Variants in ARL15 observed in about 807,000 individuals in gnomAD.
ARL15 encodes ARF like GTPase 15.
In ARL15, 19 loss-of-function variants were observed where a neutral mutation model predicts 25.2. That is an observed-to-expected ratio of 0.75 (90% CI 0.53 to 1.10). The LOEUF (loss-of-function observed/expected upper bound fraction) is 1.10. Ranked by LOEUF, ARL15 falls within the 50% of genes least tolerant of loss-of-function variation. ARL15 has a pLI of 0.00. For missense variants in ARL15, 220 were observed against 246.0 expected (o/e 0.89, Z 0.71); for synonymous variants, 94 against 86.8 (o/e 1.08, Z -0.46).
At chr5:54,142,380 A>G (rs946336256) in intron 3 of ARL15, among the ~76,000 whole-genome samples, 13 of 152,202 alleles carry the variant, frequency 8.5e-5, no homozygotes, top group Admixed American at 2.0e-4. Context: ...AATGACAAAA[A>G]TAAAGGATGC....
intron 4 of ARL15, among the ~76,000 whole-genome samples, chr5:53,935,667 C>T (rs763264891): frequency 7.4e-4 from 113 of 152,190 alleles, no homozygotes; most frequent in Admixed American, 7.9e-4. Context: ...TTATTCACAT[C>T]TGATTTGCAT....
chr5:54,127,285 A>G (rs918291906), intron 3 of ARL15, among the ~76,000 whole-genome samples: 5 of 152,172 alleles, frequency 3.3e-5, no homozygotes, highest in Non-Finnish European at 7.3e-5. Flanking sequence ...GCTATTCCCA[A>G]AATCTCCTTA....
intron 1 of ARL15, among the ~76,000 whole-genome samples, chr5:54,208,018 G>A (rs1755919909): frequency 6.6e-6 from 1 of 152,092 alleles, no homozygotes; most frequent in African/African-American, 2.4e-5. Flanking sequence ...AATATTGAGA[G>A]CCCAAGGCCC....
At chr5:54,163,205 T>C (rs1754459528) in intron 2 of ARL15, among the ~76,000 whole-genome samples, 1 of 152,070 alleles carries the variant, frequency 6.6e-6, no homozygotes, top group Admixed American at 6.6e-5. Context: ...AACTGATTGA[T>C]TTTTGAATGT....
At chr5:54,003,034 G>A (rs1748898031) in intron 4 of ARL15, among the ~76,000 whole-genome samples, 1 of 152,164 alleles carries the variant, frequency 6.6e-6, no homozygotes. Context: ...AAAAGCCCCT[G>A]CTTTAGTCTG....
Position 54,147,608 on chromosome 5 carries a change from A to G in ARL15, c.253+6972T>C, listed in dbSNP as rs1355139555. Reference sequence around the variant, plus strand: ...TAGTAAGGTCAAAAGCATTCTATGGACATGGTCTTCCTTGAGCCCTTCTTC... The same window carrying G: ...TAGTAAGGTCAAAAGCATTCTATGGGCATGGTCTTCCTTGAGCCCTTCTTC... On this transcript the variant is annotated intron_variant, in intron 3 of 4. Coordinates refer to ENST00000504924, the MANE Select transcript of ARL15 (RefSeq NM_019087.3). 2.0e-5 allele frequency among the ~76,000 whole-genome samples: 3 copies of G among 152,224 alleles called. 1 individual carries two copies. The highest frequency in any genetic ancestry group is 7.2e-5 in the African/African-American group (3 of 41,454).
At chr5:54,259,281 CAT>C (rs1297962654) in intron 1 of ARL15, among the ~76,000 whole-genome samples, 3 of 152,110 alleles carry the variant, frequency 2.0e-5, no homozygotes, top group Non-Finnish European at 4.4e-5. Context: ...TATGCACACA[CAT>C]ATAAACTTAA....
At chr5:54,199,228 T>C (rs1755643707) in intron 1 of ARL15, among the ~76,000 whole-genome samples, 1 of 152,082 alleles carries the variant, frequency 6.6e-6, no homozygotes, top group South Asian at 2.1e-4. Context: ...ATTCAGGACA[T>C]AGGCATGGGC....
chr5:54,060,129 TAAAAAA>T (rs1165458695), intron 4 of ARL15, among the ~76,000 whole-genome samples: 6 of 77,560 alleles, frequency 7.7e-5, no homozygotes, highest in African/African-American at 2.7e-4. Context: ...ATCTGATGAC[TAAAAAA>T]AAAAAAAAAA....
intron 4 of ARL15, among the ~76,000 whole-genome samples, chr5:53,962,988 C>A (rs955045100): frequency 1.4e-4 from 22 of 151,882 alleles, no homozygotes; most frequent in African/African-American, 5.1e-4. Context: ...ACATTTAGTC[C>A]AGTACCTGGC....
intron 1 of ARL15, among the ~76,000 whole-genome samples, chr5:54,236,596 T>C (rs1198295438): frequency 2.0e-5 from 3 of 152,216 alleles, no homozygotes; most frequent in Non-Finnish European, 4.4e-5. Context: ...ACAACTTAGG[T>C]AGATGGAGCA....
chr5:54,038,424 A>G (rs1040587229), intron 4 of ARL15, among the ~76,000 whole-genome samples: 1 of 152,144 alleles, frequency 6.6e-6, no homozygotes, highest in Non-Finnish European at 1.5e-5. Context: ...TATAATGATA[A>G]ATTGTTAAAA....
At chr5:54,160,631 T>A (rs1295712919) in intron 2 of ARL15, among the ~76,000 whole-genome samples, 1 of 152,180 alleles carries the variant, frequency 6.6e-6, no homozygotes, top group African/African-American at 2.4e-5. Context: ...TTACTCAAAT[T>A]TTCTCTCCTC....
intron 4 of ARL15, among the ~76,000 whole-genome samples, chr5:54,049,239 T>C (rs1283655569): frequency 2.0e-5 from 3 of 152,100 alleles, no homozygotes; most frequent in Non-Finnish European, 4.4e-5. Context: ...AAATTACTTA[T>C]TTTTTGTTTT....
At chr5:54,054,895 A>G (rs1348417092) in intron 4 of ARL15, among the ~76,000 whole-genome samples, 1 of 152,072 alleles carries the variant, frequency 6.6e-6, no homozygotes, top group Non-Finnish European at 1.5e-5. Context: ...CACTTCACCG[A>G]ATCTATTTCC....
rs760523314 is a variant in ARL15, at chr5:54,171,923, A to G, written c.54T>C (p.Phe18=). 5.0e-6 allele frequency: 8 copies of G among 1,609,970 alleles called. 1 individual carries two copies. In the South Asian group the frequency reaches 8.8e-5, roughly 18 times the overall value. The part of the protein sequence containing the change: ...EAFLYMDYLC[F]RALCCKGPPP... The stretch of plus-strand genomic sequence containing the variant: ...GTGGTCCCTTGCAGCAAAGTGCTCT[A>G]AAACACTGCCAAAAGAAGGGGAAAA... The change falls in exon 2 of 5, where the codon TTT becomes TTC. Residue 18 remains phenylalanine, a synonymous_variant. Coordinates refer to ENST00000504924, the MANE Select transcript of ARL15 (RefSeq NM_019087.3).
chr5:53,891,187 G>A (rs760320474), intron 4 of ARL15, among the ~76,000 whole-genome samples: 6 of 152,172 alleles, frequency 3.9e-5, no homozygotes, highest in Non-Finnish European at 7.3e-5. Context: ...TAAACCAGTA[G>A]TGTGTGCCCA....
chr5:54,073,081 T>C (rs1036535836), intron 4 of ARL15, among the ~76,000 whole-genome samples: 5 of 152,216 alleles, frequency 3.3e-5, no homozygotes, highest in African/African-American at 1.2e-4. Flanking sequence ...AAGTCAGTGA[T>C]ATTTCAAAAG....
chr5:53,911,049 T>C (rs1238705782), intron 4 of ARL15, among the ~76,000 whole-genome samples: 1 of 152,170 alleles, frequency 6.6e-6, no homozygotes, highest in Non-Finnish European at 1.5e-5. Context: ...ATTATCTCTT[T>C]CCTTGGCATA....
Sources: gnomAD v4.1 joint callset for allele counts (sites outside exome capture counted in the v4.1 genomes callset) on GRCh38, gnomAD v4.1.1 for gene constraint, MANE v1.5 for transcripts, NCBI Gene and HGNC (gene_info 2026-07-23, HGNC 2026-07-21) for gene names.